LINGO2: variants seen among roughly 807,000 people sequenced by gnomAD.
LINGO2 encodes leucine rich repeat and Ig domain containing 2, also known as leucine-rich repeat and immunoglobulin-like domain-containing nogo receptor-interacting protein 2.
Under a neutral mutation model 30.6 loss-of-function variants are expected in LINGO2, and 14 were observed. That is an observed-to-expected ratio of 0.46 (90% CI 0.30 to 0.72). The LOEUF is 0.72. Ranked by LOEUF, LINGO2 falls within the 30% of genes least tolerant of loss-of-function variation. The probability of loss-of-function intolerance (pLI) is 0.07; values close to 1 mark genes in which losing one functional copy is unlikely to be tolerated. For synonymous variants in LINGO2, 317 were observed against 288.5 expected (o/e 1.10, Z -1.00); for missense variants, 729 against 751.7 (o/e 0.97, Z 0.35).
chr9:28,609,740 C>A lies in LINGO2; in HGVS notation c.-365+60460G>T, dbSNP rs575282049. 3.9e-5 allele frequency among the ~76,000 whole-genome samples: 6 copies of A among 152,118 alleles called. No individual in the cohort carries two copies. The South Asian group carries it at 1.2e-3, about 32-fold the overall frequency. ...CAATGTCAGGTGCACATTCTTTCAA[C>A]CAATTATTTGTCATAGATAGTTATC... is the stretch of plus-strand genomic sequence containing the variant. On this transcript the variant is annotated intron_variant, in intron 1 of 5. Coordinates refer to ENST00000379992, the Ensembl canonical transcript of LINGO2.
chr9:27,996,744 G>A (rs77795961), intron 5 of LINGO2, among the ~76,000 whole-genome samples: 4,074 of 152,264 alleles, frequency 0.027, 86 homozygotes, highest in Non-Finnish European at 0.044. Context: ...TTTCAAAATA[G>A]CTAGAAGATT....
chr9:28,828,799 A>G, the LINGO2 span, among the ~76,000 whole-genome samples: 1 of 152,040 alleles, frequency 6.6e-6, no homozygotes, highest in South Asian at 2.1e-4. Flanking sequence ...CAATTTGAAA[A>G]CTGCCTTCAA....
chr9:28,461,770 G>T (rs997426732), intron 2 of LINGO2, among the ~76,000 whole-genome samples: 2 of 152,172 alleles, frequency 1.3e-5, no homozygotes, highest in Non-Finnish European at 1.5e-5. Flanking sequence ...CCAAAGGCAA[G>T]TAGTAGTTCC....
chr9:27,972,696 G>C (rs1036558932), intron 5 of LINGO2, among the ~76,000 whole-genome samples: 5 of 152,182 alleles, frequency 3.3e-5, no homozygotes, highest in Non-Finnish European at 7.3e-5. Flanking sequence ...CTGGTATTGA[G>C]GCTTACCACA....
intron 5 of LINGO2, among the ~76,000 whole-genome samples, chr9:28,002,950 C>G (rs974401132): frequency 1.3e-5 from 2 of 152,068 alleles, no homozygotes; most frequent in Non-Finnish European, 1.5e-5. Flanking sequence ...GGCATCCTGT[C>G]CATGGATAGT....
the LINGO2 span, among the ~76,000 whole-genome samples, chr9:28,885,166 G>A: frequency 6.7e-6 from 1 of 148,406 alleles, no homozygotes; most frequent in South Asian, 2.1e-4. Context: ...TTGCCCACAT[G>A]TGGGTAGGAG....
the LINGO2 span, among the ~76,000 whole-genome samples, chr9:29,006,553 A>G: frequency 6.6e-6 from 1 of 152,054 alleles, no homozygotes; most frequent in Non-Finnish European, 1.5e-5. Flanking sequence ...ATAAAAGGGG[A>G]AAAATATTTG....
At chr9:28,553,290 G>C (rs1478202662) in intron 1 of LINGO2, among the ~76,000 whole-genome samples, 1 of 152,080 alleles carries the variant, frequency 6.6e-6, no homozygotes, top group African/African-American at 2.4e-5. Context: ...AACCAATACA[G>C]AGAAGTGCTT....
intron 4 of LINGO2, among the ~76,000 whole-genome samples, chr9:28,231,775 A>C (rs1821364535): frequency 6.6e-6 from 1 of 152,218 alleles, no homozygotes. Flanking sequence ...CATTTTACAG[A>C]TCAGACCATC....
chr9:28,341,862 T>A (rs1436236980), intron 3 of LINGO2, among the ~76,000 whole-genome samples: 1 of 152,088 alleles, frequency 6.6e-6, no homozygotes, highest in Non-Finnish European at 1.5e-5. Flanking sequence ...AAACACCACA[T>A]ACCCACAATG....
At chr9:28,609,709 CT>C (rs1825834592) in intron 1 of LINGO2, among the ~76,000 whole-genome samples, 1 of 152,022 alleles carries the variant, frequency 6.6e-6, no homozygotes, top group East Asian at 1.9e-4. Flanking sequence ...ACAATTTTGT[CT>C]GTCACAATGT....
At chr9:28,790,325 C>CTTTCTTTTTTTTTTTTTTTTTTTTT in the LINGO2 span, among the ~76,000 whole-genome samples, 38 of 106,270 alleles carry the variant, frequency 3.6e-4, no homozygotes, top group African/African-American at 1.4e-3. Context: ...TCTTTTCTTT[C>CTTTCTTTTTTTTTTTTTTTTTTTTT]TTTTTTTTTT....
At chr9:28,369,956 G>T (rs2134561497) in intron 3 of LINGO2, among the ~76,000 whole-genome samples, 1 of 152,194 alleles carries the variant, frequency 6.6e-6, no homozygotes, top group East Asian at 1.9e-4. Context: ...GTTATTTATA[G>T]ACTTCTAAAT....
the LINGO2 span, among the ~76,000 whole-genome samples, chr9:29,074,215 C>A: frequency 1.3e-5 from 2 of 152,000 alleles, no homozygotes; most frequent in Admixed American, 6.6e-5. Context: ...GATAAATCTA[C>A]ATAAATGTAT....
intron 4 of LINGO2, among the ~76,000 whole-genome samples, chr9:28,277,526 G>A (rs927316938): frequency 5.9e-5 from 9 of 152,080 alleles, no homozygotes; most frequent in Non-Finnish European, 1.0e-4. Context: ...GAAATGGGCC[G>A]GGTGCAGTAG....
the LINGO2 span, among the ~76,000 whole-genome samples, chr9:28,738,531 A>G: frequency 6.6e-6 from 1 of 152,088 alleles, no homozygotes; most frequent in Non-Finnish European, 1.5e-5. Flanking sequence ...TAAAAATAAG[A>G]CTGAATTACA....
chr9:28,948,725 C>T, the LINGO2 span, among the ~76,000 whole-genome samples: 1 of 152,024 alleles, frequency 6.6e-6, no homozygotes, highest in African/African-American at 2.4e-5. Context: ...TTATGCAAAT[C>T]ACAGTATTGA....
At chr9:28,199,554 G>A (rs1820151758) in intron 4 of LINGO2, among the ~76,000 whole-genome samples, 1 of 152,048 alleles carries the variant, frequency 6.6e-6, no homozygotes, top group African/African-American at 2.4e-5. Flanking sequence ...TAGCCAGGAT[G>A]GCCTCGATCT....
In LINGO2 at chr9:28,351,908, T is replaced by G. The variant is rs868717555; in HGVS notation, c.-246+20928A>C. ...GAGCCAAAGACAAAAACCACATGAT[T>G]ATCTCAATAGATGCAGAAAAAGCCT... On this transcript the variant is annotated intron_variant, in intron 3 of 5. Transcript: ENST00000379992. Among the ~76,000 whole-genome samples, 525 of 150,258 alleles carry G rather than the reference T, an allele frequency of 3.5e-3. 3 individuals are homozygous for G. Among genetic ancestry groups the G allele is most frequent in the African/African-American group, 0.012 (502 of 41,020 alleles).
Sources: allele counts gnomAD v4.1 joint callset (sites outside exome capture counted in the v4.1 genomes callset), GRCh38; gene constraint gnomAD v4.1.1; transcripts MANE v1.5; gene names NCBI Gene and HGNC (gene_info 2026-07-23, HGNC 2026-07-21).